Variants in CNTNAP3B observed in about 807,000 individuals in gnomAD.
The protein encoded by CNTNAP3B is contactin associated protein family member 3B.
In CNTNAP3B, 25 loss-of-function variants were observed where a neutral mutation model predicts 108.9. The observed-to-expected ratio is 0.23, with a 90% CI of 0.17 to 0.32. The LOEUF (loss-of-function observed/expected upper bound fraction) is 0.32. Among genes scored for constraint, CNTNAP3B ranks in the 10% least tolerant of loss-of-function variants. CNTNAP3B has a pLI of 1.00. For synonymous variants in CNTNAP3B, 103 were observed against 473.4 expected (o/e 0.22, Z 10.16); for missense variants, 252 against 1,210.4 (o/e 0.21, Z 11.75).
At chr9:41,937,368 C>T (rs1420430510) in intron 14 of CNTNAP3B, among the ~76,000 whole-genome samples, 2 of 151,844 alleles carry the variant, frequency 1.3e-5, no homozygotes, top group Non-Finnish European at 2.9e-5. Context: ...CTCAGGTGAT[C>T]CACCTGCCTT....
intron 13 of CNTNAP3B, among the ~76,000 whole-genome samples, chr9:41,943,018 G>A (rs1272340193): frequency 2.0e-5 from 3 of 152,240 alleles, no homozygotes; most frequent in Admixed American, 1.3e-4. Context: ...AAGCAAACAT[G>A]CAGTTATGAC....
At chr9:42,079,700 T>G (rs1827571444) in intron 2 of CNTNAP3B, among the ~76,000 whole-genome samples, 1 of 137,332 alleles carries the variant, frequency 7.3e-6, no homozygotes, top group Non-Finnish European at 1.6e-5. Context: ...TTTTGTATTT[T>G]TAGTAGAGAC....
intron 13 of CNTNAP3B, among the ~76,000 whole-genome samples, chr9:41,948,203 T>C (rs1164913815): frequency 6.8e-6 from 1 of 146,014 alleles, no homozygotes; most frequent in African/African-American, 2.5e-5. Context: ...GCGATTCTCC[T>C]GCCTCAGCCT....
Position 42,099,822 on chromosome 9 carries a change from A to C in CNTNAP3B, c.196+4807T>G, listed in dbSNP as rs1216187485. ...AACACACGGGTTATCCTTGCAAAAA[A>C]GCATATATATTTTTTAATTTATTGC... On this transcript the variant is annotated intron_variant, in intron 2 of 23. Transcript: ENST00000377561. 2.5e-5 allele frequency among the ~76,000 whole-genome samples: 2 copies of C among 81,086 alleles called. 1 individual carries two copies. The highest frequency in any genetic ancestry group is 5.1e-5 in the Non-Finnish European group (2 of 39,486). 53.2% of individuals were successfully genotyped at this position (81,086 alleles called of 152,430 possible).
In CNTNAP3B at chr9:41,917,949, C is replaced by T. The variant is rs1184565911; in HGVS notation, c.2995+2121G>A. Among the ~76,000 whole-genome samples the T allele has an allele frequency of 2.0e-4, 30 of 152,358 alleles. No homozygotes were observed. In the South Asian group the frequency reaches 3.3e-3, roughly 17 times the overall value. On this transcript the variant is annotated intron_variant, in intron 18 of 23. Transcript: ENST00000377561. ...CAGGGAGAGGGTCTTGGCTTAAATG[C>T]CTCAAACTCTCACTGTTATTACTGA...
intron 9 of CNTNAP3B, chr9:41,979,906 T>A (rs1172628375): frequency 1.3e-4 from 17 of 134,646 alleles, no homozygotes; most frequent in Non-Finnish European, 1.7e-4. Flanking sequence ...ATATATGTAA[T>A]CTTTTTCAGT....
Position 42,101,841 on chromosome 9 carries a change from G to A in CNTNAP3B, c.196+2788C>T, listed in dbSNP as rs1263577276. 9.8e-5 allele frequency among the ~76,000 whole-genome samples: 12 copies of A among 122,220 alleles called. 1 individual carries two copies. The highest frequency in any genetic ancestry group is 2.7e-4 in the East Asian group (1 of 3,666). 80.2% of individuals were successfully genotyped at this position (122,220 alleles called of 152,430 possible). A position where few individuals can be genotyped will look rare whatever the true frequency, so the allele number is the denominator to read the frequency against. On this transcript the variant is annotated intron_variant, in intron 2 of 23. Coordinates refer to ENST00000377561, the MANE Select transcript of CNTNAP3B (RefSeq NM_001201380.3). Reference sequence around the variant, plus strand: ...TGGGAGGCCGAGGTGGGCATACCACGAGGTCAGGACATTGAGACCATCCGG... The same window carrying A: ...TGGGAGGCCGAGGTGGGCATACCACAAGGTCAGGACATTGAGACCATCCGG...
At chr9:42,064,861 A>G (rs1182099683) in intron 3 of CNTNAP3B, among the ~76,000 whole-genome samples, 2 of 148,188 alleles carry the variant, frequency 1.3e-5, no homozygotes, top group South Asian at 2.2e-4. Flanking sequence ...TCCACTACTG[A>G]TAAGCACCAA....
chr9:42,127,262 C>A (rs183812684), intron 1 of CNTNAP3B, among the ~76,000 whole-genome samples: 1 of 138,430 alleles, frequency 7.2e-6, no homozygotes, highest in East Asian at 2.2e-4. Flanking sequence ...CTGTCCCTGC[C>A]CTCCCCTCCT....
chr9:41,921,412 T>C (rs1823663953), intron 17 of CNTNAP3B, among the ~76,000 whole-genome samples: 1 of 151,648 alleles, frequency 6.6e-6, no homozygotes, highest in South Asian at 2.1e-4. Context: ...TAACACCCCA[T>C]CCACATCCAC....
chr9:41,918,582 C>T (rs1179212011), intron 18 of CNTNAP3B, among the ~76,000 whole-genome samples: 227 of 134,986 alleles, frequency 1.7e-3, no homozygotes, highest in Middle Eastern at 3.9e-3. Context: ...ACTGAAAATC[C>T]AGATCATTCT....
At chr9:41,961,499 A>G (rs1466277808) in intron 11 of CNTNAP3B, among the ~76,000 whole-genome samples, 1 of 152,304 alleles carries the variant, frequency 6.6e-6, no homozygotes, top group Non-Finnish European at 1.5e-5. Flanking sequence ...CCCTGTAATA[A>G]CTGAATACCT....
At chr9:41,944,501 T>G (rs1403781475) in intron 13 of CNTNAP3B, among the ~76,000 whole-genome samples, 2 of 152,298 alleles carry the variant, frequency 1.3e-5, no homozygotes, top group Admixed American at 6.5e-5. Context: ...GTGTATATTT[T>G]ATACTCAAAG....
rs1358596847 is a variant in CNTNAP3B, at chr9:42,046,017, G to A, written c.390+30852C>T. 6.2e-5 allele frequency among the ~76,000 whole-genome samples: 7 copies of A among 112,212 alleles called. 1 individual carries two copies. The highest frequency in any genetic ancestry group is 2.5e-4 in the African/African-American group (7 of 27,946). The allele number at this position is 112,212 out of a possible 152,430, so 73.6% of individuals were successfully genotyped here. A position where few individuals can be genotyped will look rare whatever the true frequency, so the allele number is the denominator to read the frequency against. ...CAGGACAGCCATGGGGTAGATGGAG[G>A]ACAGTCAGAATTCTCTGCTTCTTTC... On this transcript the variant is annotated intron_variant, in intron 3 of 23. Transcript: ENST00000377561.
At chr9:41,966,734 G>C (rs1282431592) in intron 10 of CNTNAP3B, among the ~76,000 whole-genome samples, 1 of 152,226 alleles carries the variant, frequency 6.6e-6, no homozygotes, top group South Asian at 2.1e-4. Context: ...TTGGGAGGCT[G>C]ACGCGGGTGG....
rs887778120 is a variant in CNTNAP3B at position 42,108,382 on chromosome 9, A to G, written c.86-3643T>C. On this transcript the variant is annotated intron_variant, in intron 1 of 23. Coordinates refer to ENST00000377561, the MANE Select transcript of CNTNAP3B (RefSeq NM_001201380.3). ...AGAAGATCATGGTTGAAAATGATAT[A>G]AAATGTTTTATTCAGGGTTGTTTTA... Among the ~76,000 whole-genome samples the G allele has an allele frequency of 2.2e-5, 3 of 138,492 alleles. 1 individual carries two copies. The highest frequency in any genetic ancestry group is 2.2e-4 in the Admixed American group (3 of 13,884). 90.9% of individuals were successfully genotyped at this position (138,492 alleles called of 152,430 possible). A position where few individuals can be genotyped will look rare whatever the true frequency, so the allele number is the denominator to read the frequency against.
intron 14 of CNTNAP3B, among the ~76,000 whole-genome samples, chr9:41,937,141 A>ATTATTATTG (rs1824183728): frequency 6.7e-6 from 1 of 149,470 alleles, no homozygotes; most frequent in Non-Finnish European, 1.5e-5. Context: ...TATTATTATT[A>ATTATTATTG]TTTTGAGGTG....
intron 14 of CNTNAP3B, among the ~76,000 whole-genome samples, chr9:41,930,981 C>A (rs909575148): frequency 2.4e-4 from 37 of 152,352 alleles, no homozygotes; most frequent in Middle Eastern, 3.4e-3. Flanking sequence ...TATGTCTCAA[C>A]TGCATGTATA....
chr9:41,916,178 A>T (rs1486620231), intron 18 of CNTNAP3B, among the ~76,000 whole-genome samples: 2 of 147,318 alleles, frequency 1.4e-5, no homozygotes, highest in South Asian at 2.1e-4. Flanking sequence ...CCTCTGACTC[A>T]TGTTACCATT....
Sources: gnomAD v4.1 joint callset for allele counts (sites outside exome capture counted in the v4.1 genomes callset) on GRCh38, gnomAD v4.1.1 for gene constraint, MANE v1.5 for transcripts, NCBI Gene and HGNC (gene_info 2026-07-23, HGNC 2026-07-21) for gene names.